The following GRID2 variants were observed in gnomAD, a reference collection of about 807,000 sequenced individuals.
The protein encoded by GRID2 is glutamate ionotropic receptor delta type subunit 2.
In GRID2, 33 loss-of-function variants were observed where a neutral mutation model predicts 114.8. The ratio of observed to expected loss-of-function variants is 0.29; its 90% CI spans 0.22 to 0.38. The LOEUF (loss-of-function observed/expected upper bound fraction) is 0.38. Among genes scored for constraint, GRID2 ranks in the 10% least tolerant of loss-of-function variants. GRID2 has a pLI of 1.00. For synonymous variants in GRID2, 505 were observed against 449.9 expected (o/e 1.12, Z -1.55); for missense variants, 1,184 against 1,257.7 (o/e 0.94, Z 0.89).
intron 2 of GRID2, among the ~76,000 whole-genome samples, chr4:92,706,610 A>C (rs1579882925): frequency 6.6e-6 from 1 of 152,100 alleles, no homozygotes; most frequent in East Asian, 1.9e-4. Flanking sequence ...GGAGGGTGCT[A>C]TTAGTGTTTA....
intron 13 of GRID2, among the ~76,000 whole-genome samples, chr4:93,530,488 AT>A (rs1340615798): frequency 6.6e-6 from 1 of 151,834 alleles, no homozygotes. Context: ...GGTATTGCTC[AT>A]TTCTTTCCCT....
intron 2 of GRID2, among the ~76,000 whole-genome samples, chr4:93,080,598 A>G (rs1729773079): frequency 6.6e-6 from 1 of 152,046 alleles, no homozygotes; most frequent in African/African-American, 2.4e-5. Context: ...TTTAATCTCC[A>G]CTTTTGATTG....
intron 3 of GRID2, among the ~76,000 whole-genome samples, chr4:93,108,687 G>A (rs1263464325): frequency 2.7e-5 from 4 of 150,246 alleles, no homozygotes; most frequent in Admixed American, 1.3e-4. Context: ...CTGGAGTGCA[G>A]TGGCATGATC....
At chr4:92,612,488 G>C (rs1729804687) in intron 2 of GRID2, among the ~76,000 whole-genome samples, 1 of 151,412 alleles carries the variant, frequency 6.6e-6, no homozygotes, top group Admixed American at 6.6e-5. Context: ...CTGCAAAATA[G>C]CATGCTGGGA....
chr4:93,543,583 A>G (rs1732870764), intron 13 of GRID2, among the ~76,000 whole-genome samples: 1 of 152,222 alleles, frequency 6.6e-6, no homozygotes, highest in Non-Finnish European at 1.5e-5. Flanking sequence ...GCAATAAAAT[A>G]GAATGTATTA....
At chr4:92,693,377 A>T (rs565098583) in intron 2 of GRID2, among the ~76,000 whole-genome samples, 1 of 152,312 alleles carries the variant, frequency 6.6e-6, no homozygotes, top group Non-Finnish European at 1.5e-5. Flanking sequence ...AAATATTCTC[A>T]TGCACTCTAT....
chr4:93,269,106 A>G (rs1300056044), intron 8 of GRID2, among the ~76,000 whole-genome samples: 1 of 152,142 alleles, frequency 6.6e-6, no homozygotes, highest in Non-Finnish European at 1.5e-5. Context: ...ATCCAGGCAT[A>G]TTTCAGGAGA....
rs1331277768 is a variant in GRID2 at position 93,455,712 on chromosome 4, T to TC, written c.1596_1597insC (p.Val533ArgfsTer21). ...TAACCATCACTCCAGATCGTGAAAA[T>TC]GTGGTGGACTTTACGACACGTTACA... is the stretch of plus-strand genomic sequence containing the variant. On this transcript the variant is annotated frameshift_variant, in exon 11 of 16. Coordinates refer to ENST00000282020, the MANE Select transcript of GRID2 (RefSeq NM_001510.4). LOFTEE classifies it high-confidence loss of function. The TC allele has an allele frequency of 6.2e-7, 1 of 1,613,082 alleles. No homozygotes were observed. Among genetic ancestry groups the TC allele is most frequent in the African/African-American group, 1.3e-5 (1 of 74,862 alleles).
At chr4:92,707,203 A>G (rs147887031) in intron 2 of GRID2, among the ~76,000 whole-genome samples, 1,573 of 152,288 alleles carry the variant, frequency 0.01, 9 homozygotes, top group Non-Finnish European at 0.016. Flanking sequence ...GTCTTCTGAA[A>G]TTTGAAATTA....
At chr4:93,571,260 A>G (rs920976647) in intron 13 of GRID2, among the ~76,000 whole-genome samples, 3 of 152,134 alleles carry the variant, frequency 2.0e-5, no homozygotes, top group Non-Finnish European at 4.4e-5. Flanking sequence ...TCTCTGTTTC[A>G]TCTTGAAATC....
chr4:93,154,454 G>A (rs573041682), intron 4 of GRID2, among the ~76,000 whole-genome samples: 11 of 151,906 alleles, frequency 7.2e-5, no homozygotes, highest in Admixed American at 1.3e-4. Context: ...TGATTTGTTG[G>A]TGCTGTCACA....
chr4:92,335,053 C>T (rs1483871000), intron 1 of GRID2, among the ~76,000 whole-genome samples: 1 of 152,196 alleles, frequency 6.6e-6, no homozygotes, highest in African/African-American at 2.4e-5. Flanking sequence ...GTCAATAAAT[C>T]TCAGCTTCAT....
At chr4:92,595,958 T>C (rs1223950742) in intron 2 of GRID2, among the ~76,000 whole-genome samples, 7 of 152,134 alleles carry the variant, frequency 4.6e-5, no homozygotes, top group Non-Finnish European at 4.4e-5. Context: ...TCATTTATAT[T>C]TCATTTATTT....
At chr4:93,594,881 C>T (rs112219330) in intron 13 of GRID2, among the ~76,000 whole-genome samples, 28,857 of 152,036 alleles carry the variant, frequency 0.19, 3,182 homozygotes, top group Middle Eastern at 0.32. Flanking sequence ...TTGCGCTTCC[C>T]GAGTGAGGCA....
intron 2 of GRID2, 53 bp from the exon 3 acceptor site, chr4:93,084,942 G>A: frequency 6.8e-7 from 1 of 1,463,620 alleles, no homozygotes; most frequent in Non-Finnish European, 9.5e-7. Flanking sequence ...CTCAAAAAGG[G>A]AAAACTATGT....
At chr4:93,180,331 A>G (rs895794594) in intron 4 of GRID2, among the ~76,000 whole-genome samples, 3 of 152,168 alleles carry the variant, frequency 2.0e-5, no homozygotes, top group African/African-American at 7.2e-5. Context: ...ACATAGGGCC[A>G]TTAGAAATAA....
At chr4:92,851,019 T>C (rs1238276581) in intron 2 of GRID2, among the ~76,000 whole-genome samples, 1 of 151,950 alleles carries the variant, frequency 6.6e-6, no homozygotes, top group Non-Finnish European at 1.5e-5. Context: ...GCAAACATGA[T>C]CATTTAATTA....
At chr4:93,358,925 A>G (rs1371930058) in intron 8 of GRID2, among the ~76,000 whole-genome samples, 1 of 152,072 alleles carries the variant, frequency 6.6e-6, no homozygotes, top group Non-Finnish European at 1.5e-5. Context: ...AAGAAAGTTA[A>G]CTGTTGCCAT....
At chr4:92,441,217 T>A (rs1733053291) in intron 1 of GRID2, among the ~76,000 whole-genome samples, 1 of 152,050 alleles carries the variant, frequency 6.6e-6, no homozygotes, top group Non-Finnish European at 1.5e-5. Context: ...GAGAGATCGG[T>A]CGGACAAGAT....
Sources: allele counts gnomAD v4.1 joint callset (sites outside exome capture counted in the v4.1 genomes callset), GRCh38; gene constraint gnomAD v4.1.1; transcripts MANE v1.5; gene names NCBI Gene and HGNC (gene_info 2026-07-23, HGNC 2026-07-21).